Variants in SLC24A3 observed in about 807,000 individuals in gnomAD.
SLC24A3 encodes the protein solute carrier family 24 member 3, also known as sodium/potassium/calcium exchanger 3.
Under a neutral mutation model 75.8 loss-of-function variants are expected in SLC24A3, and 28 were observed. The ratio of observed to expected loss-of-function variants is 0.37; its 90% CI spans 0.27 to 0.51. The LOEUF (loss-of-function observed/expected upper bound fraction) is 0.51, where lower values mean the gene tolerates loss of function less well. Among genes scored for constraint, SLC24A3 ranks in the 20% least tolerant of loss-of-function variants. The pLI is 0.94. For synonymous variants in SLC24A3, 372 were observed against 334.1 expected, an observed-to-expected ratio of 1.11 and a Z score of -1.24; for missense variants, 663 against 847.8, an observed-to-expected ratio of 0.78 and a Z score of 2.71.
At chr20:19,449,500 C>G (rs1987445171) in intron 2 of SLC24A3, among the ~76,000 whole-genome samples, 1 of 152,206 alleles carries the variant, frequency 6.6e-6, no homozygotes, top group East Asian at 1.9e-4. Flanking sequence ...ATGCCTTGAC[C>G]TCTGGCAGGA....
At chr20:19,361,374 T>C (rs1425970860) in intron 2 of SLC24A3, among the ~76,000 whole-genome samples, 1 of 152,120 alleles carries the variant, frequency 6.6e-6, no homozygotes, top group Non-Finnish European at 1.5e-5. Flanking sequence ...TAGTTGCAGA[T>C]AAAATGAGGC....
intron 2 of SLC24A3, among the ~76,000 whole-genome samples, chr20:19,454,922 C>G (rs1175854261): frequency 6.6e-6 from 1 of 152,168 alleles, no homozygotes; most frequent in Admixed American, 6.5e-5. Flanking sequence ...GCTGAGAATA[C>G]ACATTCTCAG....
intron 3 of SLC24A3, among the ~76,000 whole-genome samples, chr20:19,530,921 T>G (rs2030286092): frequency 6.6e-6 from 1 of 152,060 alleles, no homozygotes; most frequent in South Asian, 2.1e-4. Flanking sequence ...ACCTGACCAG[T>G]GCAGGCAGAA....
Position 19,669,184 on chromosome 20 carries a change from C to T in SLC24A3, c.713+3295C>T, listed in dbSNP as rs958552729. ...GTGGTGAGTGCTCTTCGGTTAGGTG[C>T]CTATGTGCTAAAAGACACTTGACAT... On this transcript the variant is annotated intron_variant, in intron 8 of 16. Transcript: ENST00000328041. 7.9e-5 allele frequency among the ~76,000 whole-genome samples: 12 copies of T among 152,238 alleles called. 1 individual carries two copies. Among genetic ancestry groups the T allele is most frequent in the South Asian group, 2.1e-4 (1 of 4,824 alleles).
At chr20:19,244,724 T>C (rs1982438601) in intron 1 of SLC24A3, among the ~76,000 whole-genome samples, 1 of 152,224 alleles carries the variant, frequency 6.6e-6, no homozygotes, top group Admixed American at 6.5e-5. Context: ...AAGGTCATTG[T>C]GACTGCTTTG....
intron 2 of SLC24A3, among the ~76,000 whole-genome samples, chr20:19,353,756 G>T (rs916684065): frequency 6.6e-6 from 1 of 152,280 alleles, no homozygotes; most frequent in Non-Finnish European, 1.5e-5. Context: ...ACTGGGAAAT[G>T]AAAATTAAAA....
chr20:19,645,795 C>T (rs981852336), intron 6 of SLC24A3, among the ~76,000 whole-genome samples: 1 of 152,102 alleles, frequency 6.6e-6, no homozygotes, highest in African/African-American at 2.4e-5. Flanking sequence ...GGCTCACCCC[C>T]GTAATCCCAG....
At chr20:19,350,683 G>A (rs1004623719) in intron 2 of SLC24A3, among the ~76,000 whole-genome samples, 5 of 152,334 alleles carry the variant, frequency 3.3e-5, no homozygotes, top group African/African-American at 1.2e-4. Context: ...ATTAGATTAG[G>A]TAGACCAATG....
At chr20:19,579,639 G>C (rs961382934) in intron 3 of SLC24A3, among the ~76,000 whole-genome samples, 3 of 152,206 alleles carry the variant, frequency 2.0e-5, no homozygotes, top group African/African-American at 7.2e-5. Flanking sequence ...AAATGGGAGC[G>C]GGGGAAAGAG....
intron 1 of SLC24A3, chr20:19,242,487 G>C (rs6045929): frequency 1.7e-4 from 26 of 152,246 alleles, no homozygotes; most frequent in African/African-American, 6.3e-4. Context: ...AGCTGGGATT[G>C]CATCTGATGT....
At chr20:19,584,081 T>C (rs913136424) in intron 4 of SLC24A3, among the ~76,000 whole-genome samples, 1 of 152,206 alleles carries the variant, frequency 6.6e-6, no homozygotes, top group Non-Finnish European at 1.5e-5. Flanking sequence ...GAACTGGCTA[T>C]TCACTGGCAG....
rs562306355 is a variant in SLC24A3 at position 19,400,516 on chromosome 20, G to A, written c.272-114972G>A. Among the ~76,000 whole-genome samples, 9 of 152,236 alleles carry A rather than the reference G, an allele frequency of 5.9e-5. No homozygotes were observed. The South Asian group carries it at 1.2e-3, about 21-fold the overall frequency. On this transcript the variant is annotated intron_variant, in intron 2 of 16. Transcript: ENST00000328041. ...GGGCGCTGTGACCTCTAACCTCTTC[G>A]AGTGGTTCTTTCCCAGGTAGGCTCT...
intron 2 of SLC24A3, among the ~76,000 whole-genome samples, chr20:19,503,245 T>C (rs1988413207): frequency 6.6e-6 from 1 of 152,108 alleles, no homozygotes; most frequent in African/African-American, 2.4e-5. Flanking sequence ...AAAAGGCACT[T>C]AGTATGTTTC....
chr20:19,304,103 A>G (rs1984263856), intron 2 of SLC24A3, among the ~76,000 whole-genome samples: 1 of 152,230 alleles, frequency 6.6e-6, no homozygotes, highest in African/African-American at 2.4e-5. Context: ...GTCCCCGTAG[A>G]GCAAGTTTAA....
At chr20:19,353,448 GTGACAAAT>G (rs1285666421) in intron 2 of SLC24A3, among the ~76,000 whole-genome samples, 1 of 152,182 alleles carries the variant, frequency 6.6e-6, no homozygotes, top group Non-Finnish European at 1.5e-5. Context: ...TCTTTAGTAG[GTGACAAAT>G]ATGTCATCAG....
At chr20:19,316,879 A>G (rs1337233350) in intron 2 of SLC24A3, among the ~76,000 whole-genome samples, 1 of 152,188 alleles carries the variant, frequency 6.6e-6, no homozygotes, top group Non-Finnish European at 1.5e-5. Flanking sequence ...CAGGATGTGC[A>G]GGTTTGTGAC....
intron 15 of SLC24A3, among the ~76,000 whole-genome samples, chr20:19,715,506 A>C (rs2033035547): frequency 6.6e-6 from 1 of 152,226 alleles, no homozygotes; most frequent in Non-Finnish European, 1.5e-5. Context: ...GCTGGGGGCC[A>C]GCAAATGGTT....
chr20:19,542,717 T>C (rs1445431954), intron 3 of SLC24A3, among the ~76,000 whole-genome samples: 3 of 152,030 alleles, frequency 2.0e-5, no homozygotes, highest in Admixed American at 6.6e-5. Context: ...ACCCAAGAGA[T>C]TGAGTATTGG....
At chr20:19,289,752 C>T (rs986273852) in intron 2 of SLC24A3, among the ~76,000 whole-genome samples, 2 of 152,206 alleles carry the variant, frequency 1.3e-5, no homozygotes, top group Non-Finnish European at 1.5e-5. Context: ...CCCCACTCCT[C>T]AATCATTTCT....
Sources: allele counts gnomAD v4.1 joint callset (sites outside exome capture counted in the v4.1 genomes callset), GRCh38; gene constraint gnomAD v4.1.1; transcripts MANE v1.5; gene names NCBI Gene and HGNC (gene_info 2026-07-23, HGNC 2026-07-21).